PEBP4: variants seen among roughly 807,000 people sequenced by gnomAD.
PEBP4 encodes the protein phosphatidylethanolamine binding protein 4.
Under a neutral mutation model 23.9 loss-of-function variants are expected in PEBP4, and 22 were observed. The observed-to-expected ratio is 0.92, with a 90% confidence interval of 0.66 to 1.31. The LOEUF (loss-of-function observed/expected upper bound fraction) is 1.31. Among genes scored for constraint, PEBP4 ranks in the 40% most tolerant of loss-of-function variants. The probability of loss-of-function intolerance (pLI) is 0.00; values close to 1 mark genes in which losing one functional copy is unlikely to be tolerated. For synonymous variants in PEBP4, 112 were observed against 99.3 expected (o/e 1.13, Z -0.76); for missense variants, 324 against 281.7 (o/e 1.15, Z -1.07).
At chr8:22,901,311 C>T (rs1410364109) in intron 3 of PEBP4, among the ~76,000 whole-genome samples, 1 of 152,134 alleles carries the variant, frequency 6.6e-6, no homozygotes, top group Non-Finnish European at 1.5e-5. Context: ...TGCAAAATCA[C>T]CATTGGCTTA....
intron 3 of PEBP4, among the ~76,000 whole-genome samples, chr8:22,841,549 C>T (rs116922052): frequency 0.016 from 2,391 of 152,350 alleles, 20 homozygotes; most frequent in Middle Eastern, 0.027. Flanking sequence ...ATTTATTCTA[C>T]ACCTTCATGG....
chr8:22,767,913 A>G (rs928123551), intron 4 of PEBP4, among the ~76,000 whole-genome samples: 12 of 151,778 alleles, frequency 7.9e-5, no homozygotes, highest in Non-Finnish European at 1.8e-4. Context: ...TAATTTTTGT[A>G]TTTTTAATAG....
chr8:22,802,530 C>T (rs1297680544), intron 4 of PEBP4, among the ~76,000 whole-genome samples: 2 of 152,260 alleles, frequency 1.3e-5, no homozygotes, highest in African/African-American at 4.8e-5. Flanking sequence ...CTTTGCAACA[C>T]TGACCTGACA....
chr8:22,788,652 C>A (rs978101762), intron 4 of PEBP4, among the ~76,000 whole-genome samples: 1 of 152,174 alleles, frequency 6.6e-6, no homozygotes, highest in Non-Finnish European at 1.5e-5. Context: ...ATATGACTGT[C>A]CTGATGGTTA....
chr8:22,806,777 T>C (rs866133245), intron 4 of PEBP4, among the ~76,000 whole-genome samples: 9 of 152,332 alleles, frequency 5.9e-5, no homozygotes, highest in African/African-American at 2.2e-4. Flanking sequence ...ACAACAGTCA[T>C]TGAAGCAACA....
chr8:22,919,661 G>C (rs1032591155), intron 3 of PEBP4, among the ~76,000 whole-genome samples: 2 of 152,196 alleles, frequency 1.3e-5, no homozygotes, highest in Non-Finnish European at 2.9e-5. Flanking sequence ...CAAAAGAAGA[G>C]CGTGTCTCAT....
chr8:22,730,600 C>T (rs1005329243), intron 4 of PEBP4, among the ~76,000 whole-genome samples: 1 of 152,064 alleles, frequency 6.6e-6, no homozygotes, highest in Admixed American at 6.5e-5. Flanking sequence ...CTGAAACTGC[C>T]CGGGGATGGA....
chr8:22,915,444 C>A (rs1306339935), intron 3 of PEBP4, among the ~76,000 whole-genome samples: 3 of 147,414 alleles, frequency 2.0e-5, no homozygotes, highest in Non-Finnish European at 4.5e-5. Flanking sequence ...TGGCTCCCAT[C>A]TGTCCCTTGC....
intron 4 of PEBP4, among the ~76,000 whole-genome samples, chr8:22,762,037 A>G (rs533261461): frequency 6.9e-6 from 1 of 144,024 alleles, no homozygotes; most frequent in Non-Finnish European, 1.5e-5. Flanking sequence ...ACTACTTTCT[A>G]ACCCCCACCT....
intron 3 of PEBP4, among the ~76,000 whole-genome samples, chr8:22,893,787 G>A (rs1456082503): frequency 1.3e-5 from 2 of 152,010 alleles, no homozygotes; most frequent in African/African-American, 4.8e-5. Context: ...AAACCCACCA[G>A]AATAGCATAT....
intron 3 of PEBP4, among the ~76,000 whole-genome samples, chr8:22,860,194 A>ATGTATATACACATATATG (rs1807743914): frequency 1.0e-5 from 1 of 97,600 alleles, no homozygotes; most frequent in Non-Finnish European, 1.8e-5. Context: ...ATATATATGT[A>ATGTATATACACATATATG]TATATATATA....
At chr8:22,831,754 A>T (rs1807087369) in intron 3 of PEBP4, among the ~76,000 whole-genome samples, 2 of 152,308 alleles carry the variant, frequency 1.3e-5, no homozygotes, top group African/African-American at 4.8e-5. Flanking sequence ...GCTGGTCCTG[A>T]GGAGTGGAGT....
At chr8:22,760,165 TATGGGGTGGATATTCTTACC>T (rs1805477940) in intron 4 of PEBP4, among the ~76,000 whole-genome samples, 2 of 152,158 alleles carry the variant, frequency 1.3e-5, no homozygotes, top group Non-Finnish European at 2.9e-5. Context: ...CTTACAAACC[TATGGGGTGGATATTCTTACC>T]CCCATTTTAT....
At chr8:22,811,697 G>A (rs555069104) in intron 4 of PEBP4, among the ~76,000 whole-genome samples, 2 of 152,344 alleles carry the variant, frequency 1.3e-5, no homozygotes, top group East Asian at 3.9e-4. Flanking sequence ...GGGATCCCTA[G>A]AGGTGGAATG....
intron 3 of PEBP4, among the ~76,000 whole-genome samples, chr8:22,869,330 GT>G (rs1395361097): frequency 2.6e-5 from 4 of 152,140 alleles, no homozygotes; most frequent in Admixed American, 2.0e-4. Context: ...ATATATTTAT[GT>G]TTGTTTATTT....
chr8:22,815,808 T>A (rs1343822992), intron 4 of PEBP4, among the ~76,000 whole-genome samples: 2 of 152,322 alleles, frequency 1.3e-5, no homozygotes, highest in African/African-American at 4.8e-5. Flanking sequence ...ACAGAGCTCC[T>A]GTGAGAGGTC....
chr8:22,741,382 C>A (rs933252720), intron 4 of PEBP4, among the ~76,000 whole-genome samples: 2 of 152,240 alleles, frequency 1.3e-5, no homozygotes, highest in Non-Finnish European at 2.9e-5. Flanking sequence ...GGCCCTGCCA[C>A]TGTCTGCCAG....
chr8:22,829,506 G>A (rs1807037797), intron 3 of PEBP4, among the ~76,000 whole-genome samples: 1 of 152,114 alleles, frequency 6.6e-6, no homozygotes, highest in Non-Finnish European at 1.5e-5. Context: ...CAAATAGTAA[G>A]TTCTTCAAGA....
intron 2 of PEBP4, among the ~76,000 whole-genome samples, chr8:22,926,602 T>C (rs138589956): frequency 1.3e-5 from 2 of 152,264 alleles, no homozygotes; most frequent in African/African-American, 4.8e-5. Flanking sequence ...CACCTTGGCC[T>C]CCCAAAGTGC....
Sources: gnomAD v4.1 joint callset for allele counts (sites outside exome capture counted in the v4.1 genomes callset) on GRCh38, gnomAD v4.1.1 for gene constraint, MANE v1.5 for transcripts, NCBI Gene and HGNC (gene_info 2026-07-23, HGNC 2026-07-21) for gene names.